MMP24: variants seen among roughly 807,000 people sequenced by gnomAD.
MMP24 encodes matrix metalloproteinase-24.
Under a neutral mutation model 62.8 loss-of-function variants are expected in MMP24, and 25 were observed. The ratio of observed to expected loss-of-function variants is 0.40; its 90% CI spans 0.29 to 0.56. MMP24 has a LOEUF of 0.56. Ranked by LOEUF, MMP24 falls within the 20% of genes least tolerant of loss-of-function variation. MMP24 has a pLI of 0.50. For synonymous variants in MMP24, 319 were observed against 350.5 expected, an observed-to-expected ratio of 0.91 and a Z score of 1.00; for missense variants, 634 against 853.6, an observed-to-expected ratio of 0.74 and a Z score of 3.21.
At chr20:35,258,898 G>C (rs1184502656) in intron 4 of MMP24, among the ~76,000 whole-genome samples, 2 of 152,164 alleles carry the variant, frequency 1.3e-5, no homozygotes, top group East Asian at 3.8e-4. Flanking sequence ...GGCTCCCCGG[G>C]CCAGGTGCGA....
intron 4 of MMP24, among the ~76,000 whole-genome samples, chr20:35,258,333 C>T (rs1285465963): frequency 1.3e-5 from 2 of 152,154 alleles, no homozygotes; most frequent in African/African-American, 4.8e-5. Flanking sequence ...ATACCCAGTT[C>T]GAGTTCACTT....
intron 1 of MMP24, among the ~76,000 whole-genome samples, chr20:35,234,826 G>A (rs1258492824): frequency 2.6e-5 from 4 of 152,200 alleles, no homozygotes; most frequent in African/African-American, 9.7e-5. Context: ...AGGATTGCTT[G>A]AGACCAAGAG....
chr20:35,237,605 C>T (rs1021458100), intron 1 of MMP24, among the ~76,000 whole-genome samples: 1 of 152,218 alleles, frequency 6.6e-6, no homozygotes, highest in African/African-American at 2.4e-5. Context: ...ATTTTACCTA[C>T]CACAGTGCAT....
intron 6 of MMP24, among the ~76,000 whole-genome samples, chr20:35,268,970 T>G (rs1207814356): frequency 6.7e-6 from 1 of 149,772 alleles, no homozygotes; most frequent in Admixed American, 6.7e-5. Flanking sequence ...GAGCTTGCAG[T>G]GAGCCGAGAT....
chr20:35,228,515 G>T (rs572485644), intron 1 of MMP24, among the ~76,000 whole-genome samples: 5 of 152,272 alleles, frequency 3.3e-5, no homozygotes, highest in African/African-American at 1.2e-4. Flanking sequence ...CCCTGGCCTG[G>T]GATTAAGGAG....
chr20:35,246,863 T>C lies in MMP24; in HGVS notation c.270T>C (p.Tyr90=). 1 of 1,614,070 alleles carries C rather than the reference T, an allele frequency of 6.2e-7. No homozygotes were observed. The highest frequency in any genetic ancestry group is 8.5e-7 in the Non-Finnish European group (1 of 1,179,894). ...AGQNWLKSYG[Y]LLPYDSRASA... ...AGAACTGGTTAAAGTCCTATGGCTA[T>C]CTGCTTCCCTATGACTCACGGGCAT... The change falls in exon 2 of 9, where the codon TAT becomes TAC. Residue 90 remains tyrosine (Y), a synonymous_variant. Coordinates refer to ENST00000246186, the MANE Select transcript of MMP24 (RefSeq NM_006690.4).
intron 5 of MMP24, 25 bp downstream of exon 5, chr20:35,263,977 T>G (rs1352604173): frequency 2.5e-6 from 4 of 1,575,494 alleles, no homozygotes; most frequent in Non-Finnish European, 3.5e-6. Context: ...GAGGGGGGAC[T>G]GCTCCTTCCT....
intron 1 of MMP24, among the ~76,000 whole-genome samples, chr20:35,246,193 G>C (rs374445459): frequency 1.3e-5 from 2 of 151,566 alleles, no homozygotes; most frequent in African/African-American, 4.9e-5. Flanking sequence ...GGTGGCTCAC[G>C]CCTGTAATCC....
At chr20:35,251,787 G>C in intron 2 of MMP24, 118 bp from the exon 3 acceptor site, 1 of 761,930 alleles carries the variant, frequency 1.3e-6, no homozygotes, top group East Asian at 2.6e-5. Flanking sequence ...GGGTCCCAGA[G>C]TGTAGCTTGA....
At chr20:35,270,321 G>A (rs1448537568) in intron 7 of MMP24, among the ~76,000 whole-genome samples, 13 of 152,224 alleles carry the variant, frequency 8.5e-5, no homozygotes, top group African/African-American at 2.4e-5. Context: ...GACCTCAGAT[G>A]GGTGAGATAC....
chr20:35,247,810 T>A (rs1405694484), intron 2 of MMP24, among the ~76,000 whole-genome samples: 1 of 152,158 alleles, frequency 6.6e-6, no homozygotes, highest in Non-Finnish European at 1.5e-5. Context: ...GAGCTTGTTG[T>A]TAACCTCAGC....
chr20:35,270,557 C>T (rs969381385), intron 7 of MMP24, among the ~76,000 whole-genome samples: 1 of 152,198 alleles, frequency 6.6e-6, no homozygotes, highest in African/African-American at 2.4e-5. Flanking sequence ...TAGGCCAAGG[C>T]TGGAAATTCA....
chr20:35,254,765 G>A lies in MMP24; in HGVS notation c.817+11G>A, dbSNP rs762490003. 7 of 1,602,796 alleles carry A rather than the reference G, an allele frequency of 4.4e-6. No individual in the cohort carries two copies. In the South Asian group the frequency reaches 6.7e-5, roughly 15 times the overall value. On this transcript the variant is annotated intron_variant, in intron 4 of 8. Transcript: ENST00000246186. ...ATGCCAACCATGACGGTAAGGCCAT[G>A]AGGGGACAGGGGTCAGTCTTGGGCT...
rs1377772398 is a variant in MMP24 at position 35,269,730 on chromosome 20, C to G, written c.1195-30C>G. On this transcript the variant is annotated intron_variant, in intron 6 of 8. Coordinates refer to ENST00000246186, the MANE Select transcript of MMP24 (RefSeq NM_006690.4). This position sits in a 1 kb window ranked among gnomAD's most constrained non-coding sequence, Gnocchi z 4.6. ...GGGTTCGGAGGCAGGGCCTGACACA[C>G]CTCTCTCCCCCTCTCCCGCTTCCTC... is the stretch of plus-strand genomic sequence containing the variant. 1 of 1,558,504 alleles carries G rather than the reference C, an allele frequency of 6.4e-7. No homozygotes were observed. Among genetic ancestry groups the G allele is most frequent in the African/African-American group, 1.4e-5 (1 of 73,272 alleles).
intron 1 of MMP24, 56 bp from the exon 2 acceptor site, chr20:35,246,784 G>A: frequency 6.3e-7 from 1 of 1,595,892 alleles, no homozygotes; most frequent in Non-Finnish European, 8.6e-7. Context: ...TCTCTGCCCA[G>A]GTAGAACAGA....
At chr20:35,248,320 T>G (rs2060526601) in intron 2 of MMP24, among the ~76,000 whole-genome samples, 1 of 147,824 alleles carries the variant, frequency 6.8e-6, no homozygotes, top group South Asian at 2.2e-4. Flanking sequence ...TTTTTTTTTT[T>G]GATGAGATGA....
At position 35,249,619 on chromosome 20, in the gene MMP24, C is replaced by T. The variant is rs576857382; in HGVS notation, c.396-2286C>T. 2.8e-3 allele frequency among the ~76,000 whole-genome samples: 425 copies of T among 150,480 alleles called. 3 individuals carry two copies. The highest frequency in any genetic ancestry group is 4.4e-3 in the Admixed American group (67 of 15,160). ...TTTTTTTTTTTTTGAGACGGAGTCT[C>T]GCTCTGTCGCCCAGGTTGGAGTGCA... On this transcript the variant is annotated intron_variant, in intron 2 of 8. Transcript: ENST00000246186.
chr20:35,257,645 C>T (rs2146223647), intron 4 of MMP24, among the ~76,000 whole-genome samples: 1 of 152,316 alleles, frequency 6.6e-6, no homozygotes, highest in East Asian at 1.9e-4. Context: ...ACTTGTTGGA[C>T]CCAGCCCCCA....
At chr20:35,235,816 T>A in intron 1 of MMP24, among the ~76,000 whole-genome samples, 1 of 151,944 alleles carries the variant, frequency 6.6e-6, no homozygotes, top group Non-Finnish European at 1.5e-5. Flanking sequence ...GGACAGAAAA[T>A]TAGCAGATCT....
Sources: gnomAD v4.1 joint callset for allele counts (sites outside exome capture counted in the v4.1 genomes callset) on GRCh38, gnomAD v4.1.1 for gene constraint, Gnocchi (gnomAD v3.1) non-coding constraint, MANE v1.5 for transcripts, NCBI Gene and HGNC (gene_info 2026-07-23, HGNC 2026-07-21) for gene names.